ZNF385B: variants seen among roughly 807,000 people sequenced by gnomAD.
The protein encoded by ZNF385B is zinc finger protein 533.
A neutral mutation model predicts 39.2 loss-of-function variants in ZNF385B; 23 were observed. The observed-to-expected ratio is 0.59, with a 90% CI of 0.42 to 0.83. The LOEUF (loss-of-function observed/expected upper bound fraction) is 0.83. Among genes scored for constraint, ZNF385B ranks in the 40% least tolerant of loss-of-function variants. The pLI is 0.00. For synonymous variants in ZNF385B, 205 were observed against 222.6 expected, an observed-to-expected ratio of 0.92 and a Z score of 0.70; for missense variants, 552 against 598.9, an observed-to-expected ratio of 0.92 and a Z score of 0.82.
At chr2:179,630,783 A>G (rs1371758931) in intron 3 of ZNF385B, among the ~76,000 whole-genome samples, 4 of 152,206 alleles carry the variant, frequency 2.6e-5, no homozygotes, top group African/African-American at 9.7e-5. Context: ...AAAAGATTAG[A>G]GGAATGGCTA....
intron 3 of ZNF385B, among the ~76,000 whole-genome samples, chr2:179,571,836 C>T (rs1685245670): frequency 6.6e-6 from 1 of 151,980 alleles, no homozygotes; most frequent in African/African-American, 2.4e-5. Context: ...ATATTCCTAC[C>T]CAGTTCGTAG....
intron 1 of ZNF385B, among the ~76,000 whole-genome samples, chr2:179,820,102 T>C (rs1245624907): frequency 6.6e-6 from 1 of 152,114 alleles, no homozygotes; most frequent in Non-Finnish European, 1.5e-5. Context: ...TATTTATTTA[T>C]ATACTACTCA....
chr2:179,467,816 A>C lies in ZNF385B; in HGVS notation c.715+15456T>G, dbSNP rs539726353. ...TCTGCATGTCCTTTAGAAAAAAAAAAACAACAAAATAAAAAGCATATTCAT... is the reference window on the plus strand; with the variant it reads ...TCTGCATGTCCTTTAGAAAAAAAAACACAACAAAATAAAAAGCATATTCAT... On this transcript the variant is annotated intron_variant, in intron 6 of 9. Transcript: ENST00000410066. Among the ~76,000 whole-genome samples the C allele has an allele frequency of 4.6e-3, 697 of 152,196 alleles. 8 individuals are homozygous for C. Among genetic ancestry groups the C allele is most frequent in the African/African-American group, 0.015 (618 of 41,554 alleles).
At chr2:179,476,135 G>T (rs2053427459) in intron 6 of ZNF385B, among the ~76,000 whole-genome samples, 1 of 151,530 alleles carries the variant, frequency 6.6e-6, no homozygotes, top group Non-Finnish European at 1.5e-5. Flanking sequence ...TCATCCACCT[G>T]TGTCAGAAAA....
At chr2:179,469,884 C>T (rs12105843) in intron 6 of ZNF385B, among the ~76,000 whole-genome samples, 5,032 of 152,228 alleles carry the variant, frequency 0.033, 273 homozygotes, top group African/African-American at 0.11. Flanking sequence ...TTGTGCCCTT[C>T]GCTGTCAGCT....
chr2:179,712,999 T>A (rs374644046), intron 3 of ZNF385B, among the ~76,000 whole-genome samples: 4 of 152,168 alleles, frequency 2.6e-5, no homozygotes, highest in African/African-American at 9.7e-5. Context: ...AGCCACAGCA[T>A]CCAGTCAACC....
At chr2:179,859,315 C>A (rs189425237) in intron 1 of ZNF385B, among the ~76,000 whole-genome samples, 226 of 152,144 alleles carry the variant, frequency 1.5e-3, no homozygotes, top group Non-Finnish European at 2.5e-3. Flanking sequence ...TTTCTTTTTG[C>A]TCTGTGAATC....
chr2:179,586,286 T>G (rs567811059), intron 3 of ZNF385B, among the ~76,000 whole-genome samples: 2 of 152,238 alleles, frequency 1.3e-5, no homozygotes, highest in Non-Finnish European at 2.9e-5. Context: ...TGTAACAGTC[T>G]CGAAACCACT....
chr2:179,777,267 A>G (rs1704380169), intron 1 of ZNF385B, among the ~76,000 whole-genome samples: 1 of 152,162 alleles, frequency 6.6e-6, no homozygotes, highest in African/African-American at 2.4e-5. Flanking sequence ...CTAGAATTGA[A>G]AGTACTAATT....
At chr2:179,580,522 T>C (rs1293614476) in intron 3 of ZNF385B, among the ~76,000 whole-genome samples, 3 of 152,180 alleles carry the variant, frequency 2.0e-5, no homozygotes, top group African/African-American at 7.2e-5. Context: ...ACTGTATTTG[T>C]AGACAGGCCA....
At chr2:179,454,188 G>A (rs1184558050) in intron 6 of ZNF385B, among the ~76,000 whole-genome samples, 3 of 152,190 alleles carry the variant, frequency 2.0e-5, no homozygotes, top group Non-Finnish European at 4.4e-5. Context: ...GTACAGTCAT[G>A]TGTCACATAA....
chr2:179,676,420 T>A (rs1228271609), intron 3 of ZNF385B, among the ~76,000 whole-genome samples: 1 of 151,936 alleles, frequency 6.6e-6, no homozygotes, highest in African/African-American at 2.4e-5. Context: ...GAGATGGGGT[T>A]TCACCGTGTT....
At chr2:179,456,733 T>G (rs962456181) in intron 6 of ZNF385B, among the ~76,000 whole-genome samples, 8 of 152,146 alleles carry the variant, frequency 5.3e-5, no homozygotes, top group South Asian at 4.1e-4. Flanking sequence ...GGCAATTATA[T>G]CTTACAATAA....
At chr2:179,583,069 C>CA (rs1686717466) in intron 3 of ZNF385B, among the ~76,000 whole-genome samples, 1 of 152,216 alleles carries the variant, frequency 6.6e-6, no homozygotes, top group East Asian at 1.9e-4. Flanking sequence ...AGGCTGGTCT[C>CA]AAACTCCTGA....
intron 1 of ZNF385B, among the ~76,000 whole-genome samples, chr2:179,849,901 T>G (rs1265018875): frequency 6.6e-6 from 1 of 150,692 alleles, no homozygotes. Context: ...TATCAAGGAG[T>G]TGAGCTCAGC....
At chr2:179,659,370 A>G (rs1312691480) in intron 3 of ZNF385B, among the ~76,000 whole-genome samples, 2 of 152,204 alleles carry the variant, frequency 1.3e-5, no homozygotes, top group Non-Finnish European at 2.9e-5. Flanking sequence ...GAAGCATTTT[A>G]TCAATGAAGC....
rs761482473 is a variant in ZNF385B at position 179,763,224 on chromosome 2, T to C, written c.298+6279A>G. The stretch of plus-strand genomic sequence containing the variant: ...TGGCCCAGATAGTCTATTTTTATTT[T>C]AGTTGAATTTTAGTTATTTATGGTT... On this transcript the variant is annotated intron_variant, in intron 3 of 9. Transcript: ENST00000410066. Among the ~76,000 whole-genome samples, 131 of 152,178 alleles carry C rather than the reference T, an allele frequency of 8.6e-4. 1 individual carries two copies. The highest frequency in any genetic ancestry group is 2.2e-3 in the Admixed American group (34 of 15,274).
intron 3 of ZNF385B, among the ~76,000 whole-genome samples, chr2:179,698,260 A>T (rs1698920408): frequency 6.6e-6 from 1 of 152,236 alleles, no homozygotes; most frequent in Admixed American, 6.5e-5. Flanking sequence ...TTCAGAAGGA[A>T]ACATAGTTTG....
intron 3 of ZNF385B, among the ~76,000 whole-genome samples, chr2:179,622,294 T>C (rs928181160): frequency 1.3e-5 from 2 of 152,186 alleles, no homozygotes; most frequent in South Asian, 2.1e-4. Flanking sequence ...CTCAGATGTA[T>C]CATCACCCTG....
Sources: gnomAD v4.1 joint callset for allele counts (sites outside exome capture counted in the v4.1 genomes callset) on GRCh38, gnomAD v4.1.1 for gene constraint, MANE v1.5 for transcripts, NCBI Gene and HGNC (gene_info 2026-07-23, HGNC 2026-07-21) for gene names.